The following LARP4B variants were observed in gnomAD, a reference collection of about 807,000 sequenced individuals.
The protein encoded by LARP4B is la-related protein 4B.
A neutral mutation model predicts 89.8 loss-of-function variants in LARP4B; 12 were observed. The observed-to-expected ratio is 0.13, with a 90% CI of 0.09 to 0.22. LARP4B has a LOEUF of 0.22. LARP4B is among the 10% of genes least tolerant of loss of function. LARP4B has a pLI of 1.00. For missense variants in LARP4B, 757 were observed against 947.7 expected (o/e 0.80, Z 2.64); for synonymous variants, 367 against 363.3 (o/e 1.01, Z -0.12).
rs1459710912 is a variant in LARP4B, at chr10:882,300, T to C, written c.141+2147A>G. Among the ~76,000 whole-genome samples, 4 of 152,292 alleles carry C rather than the reference T, an allele frequency of 2.6e-5. No homozygotes were observed. In the East Asian group the frequency reaches 7.7e-4, roughly 29 times the overall value. ...AACACAGTACCAGAAGTTTACAGTT[T>C]AGTGGAGAAAACATGTACACAAATT... On this transcript the variant is annotated intron_variant, in intron 3 of 17. Transcript: ENST00000316157.
intron 5 of LARP4B, among the ~76,000 whole-genome samples, chr10:852,714 T>C (rs1834118854): frequency 6.6e-6 from 1 of 152,224 alleles, no homozygotes; most frequent in African/African-American, 2.4e-5. Context: ...TCCAATCATC[T>C]ATGTAGAAAA....
intron 5 of LARP4B, 133 bp from the exon 6 acceptor site, chr10:845,188 T>C (rs1301384816): frequency 3.4e-6 from 2 of 587,738 alleles, no homozygotes; most frequent in Non-Finnish European, 5.8e-6. Flanking sequence ...GTAAGAAAAA[T>C]GCTACTTTAC....
At chr10:870,602 T>G (rs1835152715) in intron 3 of LARP4B, among the ~76,000 whole-genome samples, 1 of 152,232 alleles carries the variant, frequency 6.6e-6, no homozygotes, top group South Asian at 2.1e-4. Context: ...AAGAGTGGAC[T>G]TGGCGTTTCC....
At chr10:817,977 T>C (rs1035080265) in intron 14 of LARP4B, 88 bp from the exon 15 acceptor site, 60 of 1,321,146 alleles carry the variant, frequency 4.5e-5, no homozygotes, top group Non-Finnish European at 6.1e-5. Context: ...AAAATATCTG[T>C]AGAAACAAGC....
intron 7 of LARP4B, among the ~76,000 whole-genome samples, chr10:841,650 C>T (rs1833526569): frequency 6.6e-6 from 1 of 152,196 alleles, no homozygotes; most frequent in Non-Finnish European, 1.5e-5. Context: ...CTTCAGAGTA[C>T]AAACAGGGAC....
At chr10:836,168 GA>G (rs2131695285) in intron 8 of LARP4B, among the ~76,000 whole-genome samples, 2 of 151,732 alleles carry the variant, frequency 1.3e-5, no homozygotes, top group East Asian at 3.9e-4. Flanking sequence ...TCTAAATATA[GA>G]AATGCATAAA....
chr10:939,466 C>T, the LARP4B span, among the ~76,000 whole-genome samples: 12 of 152,236 alleles, frequency 7.9e-5, no homozygotes, highest in Non-Finnish European at 1.0e-4. Flanking sequence ...TGCCCTGAAA[C>T]GGCTTCCTGA....
Position 812,668 on chromosome 10 carries a change from T to C in LARP4B, c.*258A>G, listed in dbSNP as rs1321241471. 5.8e-6 allele frequency: 2 copies of C among 345,026 alleles called. No homozygotes were observed. Among genetic ancestry groups the C allele is most frequent in the African/African-American group, 2.1e-5 (1 of 47,588 alleles). The allele number at this position is 345,026 out of a possible 1,614,324, so 21.4% of individuals were successfully genotyped here. A position where few individuals can be genotyped will look rare whatever the true frequency, so the allele number is the denominator to read the frequency against. Reference sequence around the variant, plus strand: ...GTTAGGATAAATGCTTTTTCTATCTTGGAAAAAAAAATCAGACTTATGCAT... The same window carrying C: ...GTTAGGATAAATGCTTTTTCTATCTCGGAAAAAAAAATCAGACTTATGCAT... On this transcript the variant is annotated 3_prime_UTR_variant, in exon 18 of 18. Transcript: ENST00000316157.
At chr10:943,320 C>G in the LARP4B span, among the ~76,000 whole-genome samples, 247 of 152,306 alleles carry the variant, frequency 1.6e-3, 1 homozygote, top group Non-Finnish European at 2.8e-3. Context: ...AGCAGCCTCC[C>G]TCCTCCTGTC....
chr10:919,668 C>A (rs922239796), intron 1 of LARP4B, among the ~76,000 whole-genome samples: 7 of 152,192 alleles, frequency 4.6e-5, no homozygotes, highest in African/African-American at 7.2e-5. Flanking sequence ...GGAGAGCTCA[C>A]AGCAAGTCAC....
rs1198705223 is a variant in LARP4B at position 822,434 on chromosome 10, C to T, written c.1485-1589G>A. On this transcript the variant is annotated intron_variant, in intron 13 of 17. Coordinates refer to ENST00000316157, the MANE Select transcript of LARP4B (RefSeq NM_015155.3). This position sits in a 1 kb window ranked among gnomAD's most constrained non-coding sequence, Gnocchi z 4.6. The stretch of plus-strand genomic sequence containing the variant: ...GGGGCACCCATCCCTTGGAACACAG[C>T]GGTGTCCAGGACACAGACCTGCCTG... 2.0e-5 allele frequency among the ~76,000 whole-genome samples: 3 copies of T among 152,224 alleles called. No homozygotes were observed. Among genetic ancestry groups the T allele is most frequent in the Admixed American group, 6.5e-5 (1 of 15,288 alleles).
chr10:965,266 G>A, the LARP4B span, among the ~76,000 whole-genome samples: 10 of 152,314 alleles, frequency 6.6e-5, no homozygotes, highest in East Asian at 1.9e-4. Context: ...GGTGCTCAGC[G>A]GAACGTCCCA....
chr10:899,122 A>G (rs775143502), intron 1 of LARP4B, among the ~76,000 whole-genome samples: 18 of 152,220 alleles, frequency 1.2e-4, no homozygotes, highest in Non-Finnish European at 2.1e-4. Context: ...ACTTAAATAT[A>G]AGCTAAATAT....
upstream of LARP4B, among the ~76,000 whole-genome samples, chr10:935,596 C>T (rs779552076): frequency 6.6e-6 from 1 of 152,104 alleles, no homozygotes; most frequent in African/African-American, 2.4e-5. Flanking sequence ...GCAGAGGCAG[C>T]GAGGGCAGTG....
rs189470040 is a variant in LARP4B, at chr10:845,942, G to A, written c.431-887C>T. On this transcript the variant is annotated intron_variant, in intron 5 of 17. Coordinates refer to ENST00000316157, the MANE Select transcript of LARP4B (RefSeq NM_015155.3). ...TGAAAAGGCAAAGACAAAGTGGGGC[G>A]TTCAGGACAAATGAGAGGGATAGAG... Among the ~76,000 whole-genome samples the A allele has an allele frequency of 3.9e-4, 59 of 152,288 alleles. No homozygotes were observed. In the South Asian group the frequency reaches 0.011, roughly 29 times the overall value.
At chr10:978,918 A>G in the LARP4B span, among the ~76,000 whole-genome samples, 26 of 152,130 alleles carry the variant, frequency 1.7e-4, no homozygotes, top group Non-Finnish European at 2.9e-4. Context: ...GTTTGGCAGC[A>G]TTGTTTGTTT....
chr10:856,444 GATCCTACGTAAA>G (rs1834306045), intron 5 of LARP4B, among the ~76,000 whole-genome samples: 1 of 152,214 alleles, frequency 6.6e-6, no homozygotes, highest in East Asian at 1.9e-4. Context: ...ACTCTTCTTA[GATCCTACGTAAA>G]GTCACAAGGC....
intron 5 of LARP4B, among the ~76,000 whole-genome samples, chr10:859,722 T>G (rs949963103): frequency 6.6e-6 from 1 of 152,172 alleles, no homozygotes; most frequent in South Asian, 2.1e-4. Flanking sequence ...TATCAAGCCT[T>G]GAAGACATGG....
At chr10:941,735 AT>A in the LARP4B span, among the ~76,000 whole-genome samples, 10 of 151,792 alleles carry the variant, frequency 6.6e-5, no homozygotes, top group East Asian at 1.4e-3. Context: ...TATTTCAGTT[AT>A]TTTTTTATTT....
Sources: gnomAD v4.1 joint callset for allele counts (sites outside exome capture counted in the v4.1 genomes callset) on GRCh38, gnomAD v4.1.1 for gene constraint, Gnocchi (gnomAD v3.1) non-coding constraint, MANE v1.5 for transcripts, NCBI Gene and HGNC (gene_info 2026-07-23, HGNC 2026-07-21) for gene names.